KIAA1671: variants seen among roughly 807,000 people sequenced by gnomAD.
KIAA1671 encodes the protein KIAA1671.
KIAA1671 carries 52 observed loss-of-function variants against 131.2 expected under a neutral mutation model. The ratio of observed to expected loss-of-function variants is 0.40; its 90% confidence interval spans 0.32 to 0.50. The LOEUF (loss-of-function observed/expected upper bound fraction) is 0.50. Ranked by LOEUF, KIAA1671 falls within the 20% of genes least tolerant of loss-of-function variation. The pLI is 0.73. For synonymous variants in KIAA1671, 1,003 were observed against 961.6 expected, an observed-to-expected ratio of 1.04 and a Z score of -0.80; for missense variants, 2,360 against 2,364.2, an observed-to-expected ratio of 1.00 and a Z score of 0.04.
chr22:25,117,893 C>A (rs776587873), intron 6 of KIAA1671, among the ~76,000 whole-genome samples: 1 of 152,048 alleles, frequency 6.6e-6, no homozygotes, highest in Non-Finnish European at 1.5e-5. Flanking sequence ...AATCCCAGCA[C>A]TTTGGGAGGC....
intron 1 of KIAA1671, among the ~76,000 whole-genome samples, chr22:25,004,970 G>A (rs1265337976): frequency 6.6e-6 from 1 of 151,140 alleles, no homozygotes; most frequent in Admixed American, 6.6e-5. Flanking sequence ...AAGTGTAGAA[G>A]ATTTGATTGT....
intron 6 of KIAA1671, among the ~76,000 whole-genome samples, chr22:25,107,222 C>T (rs1361613154): frequency 6.6e-6 from 1 of 151,920 alleles, no homozygotes; most frequent in Non-Finnish European, 1.5e-5. Flanking sequence ...TGGTGAAACC[C>T]CCCCATGACC....
chr22:25,082,213 C>T (rs1320472091), intron 6 of KIAA1671, among the ~76,000 whole-genome samples: 3 of 152,230 alleles, frequency 2.0e-5, no homozygotes, highest in Admixed American at 1.3e-4. Context: ...CCACCACCCC[C>T]TCTGGGCCCA....
intron 11 of KIAA1671, among the ~76,000 whole-genome samples, chr22:25,188,447 GGT>G (rs59590267): frequency 0.22 from 29,886 of 137,540 alleles, 3,235 homozygotes; most frequent in East Asian, 0.32. Context: ...GAGCCAATCG[GGT>G]GTGTGTGTGT....
At chr22:25,190,494 T>C (rs1934635990) in intron 11 of KIAA1671, among the ~76,000 whole-genome samples, 1 of 152,152 alleles carries the variant, frequency 6.6e-6, no homozygotes, top group South Asian at 2.1e-4. Flanking sequence ...GACCCCTGAT[T>C]TATTTAATAT....
intron 1 of KIAA1671, among the ~76,000 whole-genome samples, chr22:25,005,363 A>G (rs1201436205): frequency 6.6e-6 from 1 of 151,582 alleles, no homozygotes; most frequent in East Asian, 1.9e-4. Flanking sequence ...AAAAAAAAAA[A>G]AGAAAAAAAG....
chr22:25,159,822 G>A (rs6004454), intron 6 of KIAA1671, among the ~76,000 whole-genome samples: 40,153 of 152,116 alleles, frequency 0.26, 5,393 homozygotes, highest in South Asian at 0.36. Flanking sequence ...CAGAGCATCA[G>A]GATAGGTTAA....
rs1268294221 is a variant in KIAA1671 at position 25,065,536 on chromosome 22, G to T, written c.4530+16172G>T. On this transcript the variant is annotated intron_variant, in intron 6 of 12. Coordinates refer to ENST00000358431, the MANE Select transcript of KIAA1671 (RefSeq NM_001145206.2). ...TAGTAACTAATTCAAACAAAATGGT[G>T]CACCACCTTCCTCTTTCCCCCCAAA... 2.6e-5 allele frequency among the ~76,000 whole-genome samples: 4 copies of T among 151,892 alleles called. No individual in the cohort carries two copies. In the East Asian group the frequency reaches 7.7e-4, roughly 29 times the overall value.
chr22:25,181,714 G>C lies in KIAA1671; in HGVS notation c.5090G>C (p.Arg1697Thr). ...TTTGCAACAGAGGAGAAATCACCCA[G>C]GAAGGAGGAGTCGGATGAGGAGGAG... is the stretch of plus-strand genomic sequence containing the variant. ...FKDSTEEKSP[R>T]KEESDEEETA... Residue 1697 changes from arginine (R) to threonine (T), a missense_variant, in exon 10 of 13, where the codon AGG becomes ACG. Coordinates refer to ENST00000358431, the MANE Select transcript of KIAA1671 (RefSeq NM_001145206.2). 13 of 1,551,652 alleles carry C rather than the reference G, an allele frequency of 8.4e-6. No homozygotes were observed. The highest frequency in any genetic ancestry group is 1.1e-5 in the Non-Finnish European group (13 of 1,146,960).
At chr22:25,155,962 G>T (rs1325306988) in intron 6 of KIAA1671, among the ~76,000 whole-genome samples, 1 of 127,592 alleles carries the variant, frequency 7.8e-6, no homozygotes, top group African/African-American at 2.9e-5. Flanking sequence ...ACATATATAT[G>T]TATGTGTGTA....
At chr22:24,987,133 TTTGA>T (rs1339854435) in intron 1 of KIAA1671, among the ~76,000 whole-genome samples, 1 of 151,916 alleles carries the variant, frequency 6.6e-6, no homozygotes, top group African/African-American at 2.4e-5. Flanking sequence ...ATACTGTTCT[TTTGA>T]TTTTTTTCCA....
At chr22:25,070,664 G>A (rs1218672527) in intron 6 of KIAA1671, among the ~76,000 whole-genome samples, 3 of 151,996 alleles carry the variant, frequency 2.0e-5, no homozygotes, top group African/African-American at 7.3e-5. Flanking sequence ...TGGATCCGAT[G>A]TGGGCTTTCC....
At chr22:25,131,480 C>T (rs1044909958) in intron 6 of KIAA1671, among the ~76,000 whole-genome samples, 1 of 152,214 alleles carries the variant, frequency 6.6e-6, no homozygotes, top group Admixed American at 6.5e-5. Context: ...GCAGGTGGCA[C>T]GGGGCTGCTC....
intron 1 of KIAA1671, among the ~76,000 whole-genome samples, chr22:25,008,197 CAAAAAAAA>C (rs34995094): frequency 1.4e-4 from 10 of 72,744 alleles, no homozygotes; most frequent in African/African-American, 1.8e-4. Context: ...GACTCCGTCG[CAAAAAAAA>C]AAAAAAAAAA....
chr22:24,955,386 G>T (rs1921638735), intron 1 of KIAA1671, among the ~76,000 whole-genome samples: 1 of 152,198 alleles, frequency 6.6e-6, no homozygotes, highest in African/African-American at 2.4e-5. Flanking sequence ...AGGAGGGGCT[G>T]ATGCCTTTGG....
intron 1 of KIAA1671, among the ~76,000 whole-genome samples, chr22:24,976,737 C>T (rs772315490): frequency 1.8e-4 from 28 of 152,194 alleles, no homozygotes; most frequent in Non-Finnish European, 3.4e-4. Context: ...CATGGGGGAC[C>T]TACCTCTGGC....
At chr22:25,170,726 C>T in intron 6 of KIAA1671, 94 bp from the exon 7 acceptor site, 2 of 1,262,366 alleles carry the variant, frequency 1.6e-6, no homozygotes, top group Non-Finnish European at 2.2e-6. Context: ...TGGGTTTGAG[C>T]TGGGGGCCAT....
chr22:25,119,889 T>TGGGCCAGGGGCCAGGCCGGATA (rs1601332262), intron 6 of KIAA1671, among the ~76,000 whole-genome samples: 1 of 151,988 alleles, frequency 6.6e-6, no homozygotes, highest in South Asian at 2.1e-4. Flanking sequence ...CTCAGAGAGG[T>TGGGCCAGGGGCCAGGCCGGATA]GGGCCAGGGG....
chr22:24,956,216 G>C (rs1033827038), intron 1 of KIAA1671, among the ~76,000 whole-genome samples: 3 of 152,152 alleles, frequency 2.0e-5, no homozygotes, highest in African/African-American at 4.8e-5. Context: ...CAGTCTACCT[G>C]GGGTAAGGAA....
Sources: gnomAD v4.1 joint callset for allele counts (sites outside exome capture counted in the v4.1 genomes callset) on GRCh38, gnomAD v4.1.1 for gene constraint, MANE v1.5 for transcripts, NCBI Gene and HGNC (gene_info 2026-07-23, HGNC 2026-07-21) for gene names.